LYST: variants seen among roughly 807,000 people sequenced by gnomAD.
The protein encoded by LYST is lysosomal-trafficking regulator.
In LYST, 192 loss-of-function variants were observed where a neutral mutation model predicts 413.6. The observed-to-expected ratio is 0.46, with a 90% CI of 0.41 to 0.52. The LOEUF is 0.52. Among genes scored for constraint, LYST ranks in the 20% least tolerant of loss-of-function variants. LYST has a pLI of 0.00. For missense variants in LYST, 3,815 were observed against 4,499.9 expected (o/e 0.85, Z 4.35); for synonymous variants, 1,525 against 1,567.3 (o/e 0.97, Z 0.64).
intron 1 of LYST, among the ~76,000 whole-genome samples, chr1:235,855,061 C>A (rs971409918): frequency 1.7e-4 from 26 of 152,302 alleles, no homozygotes; most frequent in South Asian, 6.2e-4. Context: ...TACACTTTCT[C>A]AACTAATTTT....
intron 44 of LYST, among the ~76,000 whole-genome samples, chr1:235,707,360 C>T (rs1249330753): frequency 1.3e-5 from 2 of 152,156 alleles, no homozygotes; most frequent in Non-Finnish European, 2.9e-5. Context: ...GACATGGTGG[C>T]TCACGCCTGT....
intron 1 of LYST, among the ~76,000 whole-genome samples, chr1:235,879,723 A>ACTTC (rs1475695195): frequency 7.1e-6 from 1 of 140,190 alleles, no homozygotes; most frequent in Non-Finnish European, 1.5e-5. Context: ...AATGGATCTA[A>ACTTC]CTTCCTTTCT....
intron 1 of LYST, among the ~76,000 whole-genome samples, chr1:235,866,515 C>T (rs1680542201): frequency 6.6e-6 from 1 of 152,246 alleles, no homozygotes; most frequent in African/African-American, 2.4e-5. Flanking sequence ...TCGACCTCGC[C>T]CCCCGCGCGC....
intron 28 of LYST, among the ~76,000 whole-genome samples, chr1:235,748,288 AAG>A (rs1391140926): frequency 6.6e-6 from 1 of 152,160 alleles, no homozygotes; most frequent in African/African-American, 2.4e-5. Context: ...TTCATGCATT[AAG>A]GGTGATGTGT....
At chr1:235,732,530 G>C (rs1021918677) in intron 34 of LYST, among the ~76,000 whole-genome samples, 2 of 152,146 alleles carry the variant, frequency 1.3e-5, no homozygotes, top group African/African-American at 4.8e-5. Context: ...ACTGAAGCTA[G>C]AAGTAAAATG....
In LYST at chr1:235,753,099, C is replaced by T. The variant is rs1382186823; in HGVS notation, c.7405G>A (p.Gly2469Ser). 1.9e-6 allele frequency: 3 copies of T among 1,608,032 alleles called. No individual in the cohort carries two copies. Among genetic ancestry groups the T allele is most frequent in the Admixed American group, 1.7e-5 (1 of 59,934 alleles). Reference protein sequence around the residue: ...SKVADMLLDNGLLYVLCNTVA... With the variant: ...SKVADMLLDNSLLYVLCNTVA... ...GTATTACATAACACATAGAGTAGAC[C>T]ATTATCCAGCAACATATCTGCTACC... Residue 2469 changes from glycine to serine, a missense_variant, in exon 26 of 53, where the codon GGT (glycine) becomes AGT (serine). This residue lies in a region of LYST where 771 missense variants were observed against 837.1 expected (regional missense o/e 0.92). Transcript: ENST00000389793.
chr1:235,824,974 C>T (rs879428835), intron 3 of LYST, among the ~76,000 whole-genome samples: 2 of 151,922 alleles, frequency 1.3e-5, no homozygotes, highest in African/African-American at 2.4e-5. Context: ...GAGCCAAGGT[C>T]GCGCCACTGC....
chr1:235,847,903 T>C (rs1678063468), intron 1 of LYST, among the ~76,000 whole-genome samples: 1 of 152,032 alleles, frequency 6.6e-6, no homozygotes, highest in Non-Finnish European at 1.5e-5. Flanking sequence ...CAATTACTAA[T>C]AGACCTAAGA....
At chr1:235,768,170 T>C (rs1309166490) in intron 20 of LYST, among the ~76,000 whole-genome samples, 1 of 152,130 alleles carries the variant, frequency 6.6e-6, no homozygotes, top group Admixed American at 6.5e-5. Context: ...CAAATGTAGA[T>C]ACAAAAACTA....
rs776296383 is a variant in LYST, at chr1:235,791,865, C to T, written c.4377G>A (p.Pro1459=). The stretch of plus-strand genomic sequence containing the variant: ...GTGGCCAGCAGTTTTGCCCCAGCAA[C>T]GGCAGGTGGACTGGGGCTATGTGCC... The part of the protein sequence containing the change: ...SSWHIAPVHL[P]LLGQNCWPHL... Residue 1459 remains proline (P), a synonymous_variant, in exon 12 of 53, where the codon CCG becomes CCA. Transcript: ENST00000389793. 16 of 1,614,038 alleles carry T rather than the reference C, an allele frequency of 9.9e-6. No individual in the cohort carries two copies. In the Admixed American group the frequency reaches 1.7e-4, roughly 17 times the overall value.
intron 52 of LYST, 124 bp downstream of exon 52, chr1:235,663,860 G>T (rs1385902806): frequency 1.2e-6 from 1 of 817,964 alleles, no homozygotes. Flanking sequence ...TGTGTGTTAA[G>T]TGGTTGGCTT....
chr1:235,770,048 G>GAAAAAAAAAA, intron 20 of LYST, 112 bp downstream of exon 20: 1 of 840,870 alleles, frequency 1.2e-6, no homozygotes, highest in Non-Finnish European at 1.9e-6. Context: ...AGAGAAGATG[G>GAAAAAAAAAA]AAAAAAAAAA....
intron 46 of LYST, among the ~76,000 whole-genome samples, chr1:235,694,158 C>T (rs868402002): frequency 3.0e-4 from 45 of 151,806 alleles, no homozygotes; most frequent in African/African-American, 1.0e-3. Context: ...TACAGGCGCT[C>T]GCCACCATGC....
upstream of LYST, among the ~76,000 whole-genome samples, chr1:235,871,807 G>T (rs556167050): frequency 2.6e-5 from 4 of 152,184 alleles, no homozygotes; most frequent in East Asian, 7.7e-4. Flanking sequence ...CTGCTCTCAG[G>T]GTCTGGGACA....
chr1:235,669,964 AC>A (rs774202845), intron 50 of LYST, among the ~76,000 whole-genome samples: 11 of 152,276 alleles, frequency 7.2e-5, no homozygotes, highest in Non-Finnish European at 1.0e-4. Context: ...TTCCTAAATG[AC>A]AAGGGTAGGA....
At chr1:235,856,172 A>G (rs1159662168) in intron 1 of LYST, among the ~76,000 whole-genome samples, 1 of 152,192 alleles carries the variant, frequency 6.6e-6, no homozygotes, top group Non-Finnish European at 1.5e-5. Flanking sequence ...CTAAATGTAG[A>G]CTTGTATAAA....
intron 3 of LYST, among the ~76,000 whole-genome samples, chr1:235,824,561 G>A (rs1675117122): frequency 1.3e-5 from 2 of 152,100 alleles, no homozygotes; most frequent in South Asian, 4.1e-4. Flanking sequence ...GCAAAGATAG[G>A]CTGGGCATGG....
At chr1:235,882,982 C>G (rs1222202799) in intron 1 of LYST, among the ~76,000 whole-genome samples, 1 of 152,150 alleles carries the variant, frequency 6.6e-6, no homozygotes, top group Non-Finnish European at 1.5e-5. Context: ...ATACTCTTCC[C>G]TGCGGTTTCT....
rs754456959 is a variant in LYST, at chr1:235,696,562, T to C, written c.10564+521A>G. On this transcript the variant is annotated intron_variant, in intron 46 of 52. Coordinates refer to ENST00000389793, the MANE Select transcript of LYST (RefSeq NM_000081.4). ...ATGTCCCTAGTTTTCCAGTGTCTAG[T>C]TGACATTTAGAAACATGAAGAGGCC... Among the ~76,000 whole-genome samples, 201 of 152,222 alleles carry C rather than the reference T, an allele frequency of 1.3e-3. 2 individuals carry two copies. The highest frequency in any genetic ancestry group is 2.1e-3 in the Non-Finnish European group (143 of 68,040).
Sources: allele counts gnomAD v4.1 joint callset (sites outside exome capture counted in the v4.1 genomes callset), GRCh38; gene constraint gnomAD v4.1.1; regional missense constraint gnomAD v4.1.1; transcripts MANE v1.5; gene names NCBI Gene and HGNC (gene_info 2026-07-23, HGNC 2026-07-21).